SMAP1: variants seen among roughly 807,000 people sequenced by gnomAD.
SMAP1 encodes small ArfGAP 1, also known as stromal membrane-associated protein 1.
SMAP1 carries 24 observed loss-of-function variants against 58.5 expected under a neutral mutation model. That is an observed-to-expected ratio of 0.41 (90% CI 0.30 to 0.58). The LOEUF is 0.58. Among genes scored for constraint, SMAP1 ranks in the 20% least tolerant of loss-of-function variants. SMAP1 has a pLI of 0.29. For missense variants in SMAP1, 563 were observed against 566.3 expected, an observed-to-expected ratio of 0.99 and a Z score of 0.06; for synonymous variants, 216 against 196.6, an observed-to-expected ratio of 1.10 and a Z score of -0.82.
chr6:70,716,637 T>A (rs1402443877), intron 1 of SMAP1, among the ~76,000 whole-genome samples: 2 of 152,156 alleles, frequency 1.3e-5, no homozygotes, highest in Non-Finnish European at 2.9e-5. Flanking sequence ...TTTCTTCTGC[T>A]TGATCTAGTC....
intron 1 of SMAP1, among the ~76,000 whole-genome samples, chr6:70,685,996 C>A (rs541583296): frequency 6.6e-6 from 1 of 152,194 alleles, no homozygotes; most frequent in Non-Finnish European, 1.5e-5. Context: ...GCCTCAAACA[C>A]CTGGGCTCAA....
intron 1 of SMAP1, among the ~76,000 whole-genome samples, chr6:70,720,446 ACCAT>A (rs1301978742): frequency 2.0e-5 from 3 of 152,036 alleles, no homozygotes; most frequent in Non-Finnish European, 2.9e-5. Flanking sequence ...TAGTGGATCT[ACCAT>A]TCTGGGATCT....
At chr6:70,784,493 A>C (rs1321476167) in intron 4 of SMAP1, among the ~76,000 whole-genome samples, 12 of 152,242 alleles carry the variant, frequency 7.9e-5, no homozygotes, top group Admixed American at 7.2e-4. Flanking sequence ...CTCCAATTAA[A>C]AGACACAGAC....
At chr6:70,721,886 G>A (rs1768543533) in intron 1 of SMAP1, among the ~76,000 whole-genome samples, 1 of 152,162 alleles carries the variant, frequency 6.6e-6, no homozygotes, top group African/African-American at 2.4e-5. Flanking sequence ...CGGCCCCCAT[G>A]ATTCAATTAC....
intron 1 of SMAP1, among the ~76,000 whole-genome samples, chr6:70,677,827 A>G (rs1177433088): frequency 2.6e-5 from 4 of 152,214 alleles, no homozygotes; most frequent in Non-Finnish European, 5.9e-5. Context: ...CACACAACTC[A>G]TACAACTCTT....
At chr6:70,794,091 T>C (rs1768491965) in intron 5 of SMAP1, among the ~76,000 whole-genome samples, 1 of 152,202 alleles carries the variant, frequency 6.6e-6, no homozygotes. Flanking sequence ...CAGTATGTAC[T>C]TACCTCCATC....
At chr6:70,796,466 C>G (rs1470461992) in intron 5 of SMAP1, among the ~76,000 whole-genome samples, 3 of 152,220 alleles carry the variant, frequency 2.0e-5, no homozygotes, top group East Asian at 1.9e-4. Flanking sequence ...AAAATTGTTG[C>G]AAAGATTAAA....
intron 1 of SMAP1, among the ~76,000 whole-genome samples, chr6:70,702,264 C>T (rs1359089243): frequency 6.6e-6 from 1 of 151,248 alleles, no homozygotes; most frequent in Non-Finnish European, 1.5e-5. Flanking sequence ...GTTTTCAATG[C>T]ATTTGGAAAA....
chr6:70,820,283 A>C (rs1478064024), intron 6 of SMAP1, among the ~76,000 whole-genome samples: 3 of 152,176 alleles, frequency 2.0e-5, no homozygotes, highest in Non-Finnish European at 4.4e-5. Context: ...ATAGATTTTC[A>C]TGTCATTTTT....
At chr6:70,698,461 T>C (rs990649098) in intron 1 of SMAP1, among the ~76,000 whole-genome samples, 1 of 152,196 alleles carries the variant, frequency 6.6e-6, no homozygotes, top group Non-Finnish European at 1.5e-5. Context: ...TCTGTTATTA[T>C]CCCTTTGAAT....
At chr6:70,700,741 G>A (rs555346809) in intron 1 of SMAP1, among the ~76,000 whole-genome samples, 2 of 152,322 alleles carry the variant, frequency 1.3e-5, no homozygotes, top group East Asian at 3.9e-4. Context: ...CATGGCACTG[G>A]GTCTTACCCA....
intron 4 of SMAP1, among the ~76,000 whole-genome samples, chr6:70,785,095 CA>C (rs1268200751): frequency 6.6e-6 from 1 of 152,178 alleles, no homozygotes; most frequent in African/African-American, 2.4e-5. Context: ...GAGATTATAA[CA>C]AACTGTCTCT....
At chr6:70,792,017 G>T (rs933934713) in intron 5 of SMAP1, among the ~76,000 whole-genome samples, 1 of 152,098 alleles carries the variant, frequency 6.6e-6, no homozygotes, top group African/African-American at 2.4e-5. Context: ...GAAGCAGTTA[G>T]TTTTTTGTTG....
At chr6:70,772,870 T>A (rs188474579) in intron 3 of SMAP1, 1 of 153,012 alleles carries the variant, frequency 6.5e-6, no homozygotes, top group Non-Finnish European at 1.5e-5. Context: ...TCCAAGTTGC[T>A]GTTTCTTCAT....
At chr6:70,803,043 C>A (rs905390223) in intron 6 of SMAP1, among the ~76,000 whole-genome samples, 10 of 152,168 alleles carry the variant, frequency 6.6e-5, no homozygotes, top group South Asian at 2.1e-4. Context: ...GGAGGATTCC[C>A]TCTTTTTCTA....
intron 3 of SMAP1, among the ~76,000 whole-genome samples, chr6:70,772,275 T>C (rs774027636): frequency 2.0e-5 from 3 of 152,218 alleles, no homozygotes; most frequent in Non-Finnish European, 4.4e-5. Flanking sequence ...TTCTATTACC[T>C]GTTGCCTCAA....
intron 1 of SMAP1, among the ~76,000 whole-genome samples, chr6:70,713,526 C>T (rs80013074): frequency 0.014 from 2,133 of 152,100 alleles, 61 homozygotes; most frequent in African/African-American, 0.048. Context: ...AGTGGTTGTT[C>T]AATAGTGCGT....
At chr6:70,760,337 G>A (rs1766697493) in intron 3 of SMAP1, among the ~76,000 whole-genome samples, 1 of 152,108 alleles carries the variant, frequency 6.6e-6, no homozygotes, top group African/African-American at 2.4e-5. Flanking sequence ...TCATATTTAT[G>A]TGAGGTATTG....
At chr6:70,714,711 CA>C (rs201713720) in intron 1 of SMAP1, among the ~76,000 whole-genome samples, 1 of 151,064 alleles carries the variant, frequency 6.6e-6, no homozygotes, top group African/African-American at 2.4e-5. Flanking sequence ...GTATAAAAAA[CA>C]AAAAAAACAT....
Sources: allele counts gnomAD v4.1 joint callset (sites outside exome capture counted in the v4.1 genomes callset), GRCh38; gene constraint gnomAD v4.1.1; transcripts MANE v1.5; gene names NCBI Gene and HGNC (gene_info 2026-07-23, HGNC 2026-07-21).